The following SLC30A8 variants were observed in gnomAD, a reference collection of about 807,000 sequenced individuals.
The protein encoded by SLC30A8 is solute carrier family 30 member 8.
Under a neutral mutation model 36.9 loss-of-function variants are expected in SLC30A8, and 27 were observed. That is an observed-to-expected ratio of 0.73 (90% CI 0.54 to 1.01). The LOEUF is 1.01. Ranked by LOEUF, SLC30A8 falls within the 50% of genes least tolerant of loss-of-function variation. SLC30A8 has a pLI of 0.00. For missense variants in SLC30A8, 439 were observed against 452.0 expected, an observed-to-expected ratio of 0.97 and a Z score of 0.26; for synonymous variants, 164 against 172.4, an observed-to-expected ratio of 0.95 and a Z score of 0.38.
intron 1 of SLC30A8, among the ~76,000 whole-genome samples, chr8:116,971,539 C>CT (rs544603869): frequency 1.8e-4 from 27 of 152,062 alleles, no homozygotes; most frequent in Non-Finnish European, 3.1e-4. Context: ...TGTTTCCTAT[C>CT]TTTGAGACTT....
intron 1 of SLC30A8, among the ~76,000 whole-genome samples, chr8:117,034,162 G>T (rs1817139626): frequency 6.6e-6 from 1 of 152,182 alleles, no homozygotes; most frequent in African/African-American, 2.4e-5. Context: ...GATTCAGTGA[G>T]ATTAAATAAC....
chr8:117,066,228 C>A (rs570029044), intron 2 of SLC30A8, among the ~76,000 whole-genome samples: 1 of 152,246 alleles, frequency 6.6e-6, no homozygotes, highest in East Asian at 1.9e-4. Flanking sequence ...TGTCCTGTTG[C>A]TTTATTGGTC....
At chr8:117,135,922 A>T (rs1586570117) in intron 1 of SLC30A8, among the ~76,000 whole-genome samples, 1 of 151,972 alleles carries the variant, frequency 6.6e-6, no homozygotes, top group African/African-American at 2.4e-5. Flanking sequence ...ACAGTGTCAC[A>T]TGCAATACAT....
At chr8:116,990,481 A>T (rs1234100872) in intron 1 of SLC30A8, among the ~76,000 whole-genome samples, 1 of 152,194 alleles carries the variant, frequency 6.6e-6, no homozygotes, top group Non-Finnish European at 1.5e-5. Context: ...ACATTTAATC[A>T]TAAGAAAGCA....
intron 1 of SLC30A8, among the ~76,000 whole-genome samples, chr8:116,977,585 C>T (rs1815095111): frequency 1.3e-5 from 2 of 148,890 alleles, no homozygotes; most frequent in East Asian, 2.0e-4. Context: ...GATCTCTGCT[C>T]ACTGCAACCT....
At position 117,153,050 on chromosome 8, in the gene SLC30A8, GCCTC is replaced by G; in HGVS notation, c.383_386del (p.Pro128LeufsTer4). 6.2e-7 allele frequency: 1 copy of G among 1,613,024 alleles called. No homozygotes were observed. The highest frequency in any genetic ancestry group is 8.5e-7 in the Non-Finnish European group (1 of 1,179,270). On this transcript the variant is annotated frameshift_variant, in exon 3 of 8. Coordinates refer to ENST00000456015, the MANE Select transcript of SLC30A8 (RefSeq NM_173851.3). LOFTEE classifies it high-confidence loss of function. Reference sequence around the variant, plus strand: ...TCTTCTCCCTGTGGTTGTCATCGAAGCCTCCCTCTAAGCGGCTGACATTTGGATG... The same window carrying G: ...TCTTCTCCCTGTGGTTGTCATCGAAGCCTCTAAGCGGCTGACATTTGGATG...
intron 2 of SLC30A8, among the ~76,000 whole-genome samples, chr8:117,112,786 G>C (rs955255500): frequency 1.3e-5 from 2 of 152,142 alleles, no homozygotes; most frequent in Non-Finnish European, 2.9e-5. Context: ...GAATGCTGGG[G>C]TGTATCCCAA....
chr8:117,130,523 T>TATTA (rs1400949874), upstream of SLC30A8, among the ~76,000 whole-genome samples: 2 of 151,856 alleles, frequency 1.3e-5, no homozygotes, highest in African/African-American at 4.8e-5. Context: ...AGGGCTCTAT[T>TATTA]ATTATTATTA....
chr8:117,055,931 C>T (rs964411436), intron 2 of SLC30A8: 3 of 151,956 alleles, frequency 2.0e-5, no homozygotes, highest in Admixed American at 2.0e-4. Flanking sequence ...GGTGGTCTGA[C>T]TACTTCTAAC....
At chr8:117,090,764 T>C (rs1166569922) in intron 2 of SLC30A8, among the ~76,000 whole-genome samples, 2 of 152,232 alleles carry the variant, frequency 1.3e-5, no homozygotes, top group African/African-American at 4.8e-5. Flanking sequence ...ACTGGGTTTG[T>C]TGCCAGCCCT....
At chr8:117,046,885 T>A (rs1252631525) in intron 2 of SLC30A8, among the ~76,000 whole-genome samples, 2 of 152,256 alleles carry the variant, frequency 1.3e-5, no homozygotes, top group African/African-American at 4.8e-5. Context: ...TTTTCTTTGT[T>A]ATTAACTATC....
At chr8:117,161,136 A>G (rs1459143060) in intron 4 of SLC30A8, among the ~76,000 whole-genome samples, 1 of 152,214 alleles carries the variant, frequency 6.6e-6, no homozygotes, top group Non-Finnish European at 1.5e-5. Flanking sequence ...ATCATTTTTC[A>G]TACATTAATA....
intron 1 of SLC30A8, among the ~76,000 whole-genome samples, chr8:117,027,855 A>G (rs761129942): frequency 6.6e-6 from 1 of 152,170 alleles, no homozygotes; most frequent in Non-Finnish European, 1.5e-5. Flanking sequence ...GTTACACAGG[A>G]CTTGGGTTAA....
intron 1 of SLC30A8, among the ~76,000 whole-genome samples, chr8:117,001,768 A>G (rs1355293611): frequency 6.6e-6 from 1 of 152,184 alleles, no homozygotes; most frequent in African/African-American, 2.4e-5. Context: ...TTATCTGGAT[A>G]TGGTTTCCTT....
chr8:117,036,118 C>T (rs555364592), intron 1 of SLC30A8, among the ~76,000 whole-genome samples: 2 of 151,130 alleles, frequency 1.3e-5, no homozygotes, highest in South Asian at 2.1e-4. Flanking sequence ...TTCCCCCCCC[C>T]AGAAAATGGG....
At chr8:117,052,929 C>T (rs566391183) in intron 2 of SLC30A8, among the ~76,000 whole-genome samples, 9 of 144,740 alleles carry the variant, frequency 6.2e-5, no homozygotes, top group South Asian at 2.1e-4. Context: ...TTTATTGAGA[C>T]GAAATCTCGT....
chr8:117,122,915 C>A (rs1415785434), intron 2 of SLC30A8, among the ~76,000 whole-genome samples: 1 of 151,900 alleles, frequency 6.6e-6, no homozygotes, highest in Admixed American at 6.6e-5. Context: ...CATGATGGAG[C>A]TTGTGATGGT....
intron 2 of SLC30A8, among the ~76,000 whole-genome samples, chr8:117,069,452 A>G (rs556531923): frequency 8.5e-5 from 13 of 152,314 alleles, no homozygotes; most frequent in African/African-American, 2.9e-4. Context: ...ATTATAATTG[A>G]AAGTGACTGT....
intron 1 of SLC30A8, among the ~76,000 whole-genome samples, chr8:117,017,407 G>C (rs542836021): frequency 2.6e-5 from 4 of 152,144 alleles, no homozygotes; most frequent in Admixed American, 2.6e-4. Context: ...TTTTATCTCA[G>C]TTGCAACAGC....
Sources: gnomAD v4.1 joint callset for allele counts (sites outside exome capture counted in the v4.1 genomes callset) on GRCh38, gnomAD v4.1.1 for gene constraint, MANE v1.5 for transcripts, NCBI Gene and HGNC (gene_info 2026-07-23, HGNC 2026-07-21) for gene names.